The following STX17 variants were observed in gnomAD, a reference collection of about 807,000 sequenced individuals.
STX17 encodes syntaxin 17.
A neutral mutation model predicts 35.9 loss-of-function variants in STX17; 29 were observed. The observed-to-expected ratio is 0.81, with a 90% CI of 0.60 to 1.10. The LOEUF (loss-of-function observed/expected upper bound fraction) is 1.10, where lower values mean the gene tolerates loss of function less well. STX17 is among the 50% of genes least tolerant of loss of function. STX17 has a pLI of 0.00. For missense variants in STX17, 312 were observed against 352.3 expected, an observed-to-expected ratio of 0.89 and a Z score of 0.92; for synonymous variants, 92 against 118.3, an observed-to-expected ratio of 0.78 and a Z score of 1.44.
chr9:99,928,894 A>T, intron 3 of STX17, 51 bp downstream of exon 3: 1 of 1,560,362 alleles, frequency 6.4e-7, no homozygotes, highest in Non-Finnish European at 8.8e-7. Context: ...AGACAGTCTT[A>T]AGACAATTTT....
At chr9:99,918,542 C>T (rs977665692) in intron 2 of STX17, among the ~76,000 whole-genome samples, 22 of 151,250 alleles carry the variant, frequency 1.5e-4, no homozygotes, top group African/African-American at 4.4e-4. Context: ...CTTCTTTGTC[C>T]TGTTTTTCCC....
At chr9:99,959,403 GA>G (rs567215766) in intron 4 of STX17, among the ~76,000 whole-genome samples, 315 of 130,936 alleles carry the variant, frequency 2.4e-3, no homozygotes, top group African/African-American at 3.8e-3. Context: ...AAAAATTTTA[GA>G]AAAAAAAAAT....
At chr9:99,947,825 G>A (rs1829514393) in intron 3 of STX17, among the ~76,000 whole-genome samples, 2 of 152,092 alleles carry the variant, frequency 1.3e-5, no homozygotes. Context: ...ATTCTGGTAT[G>A]CAAATACTCC....
At chr9:99,930,878 G>T (rs1209192910) in intron 3 of STX17, among the ~76,000 whole-genome samples, 1 of 152,096 alleles carries the variant, frequency 6.6e-6, no homozygotes, top group African/African-American at 2.4e-5. Flanking sequence ...TAGAATTCTA[G>T]TTGGAATTCT....
intron 1 of STX17, among the ~76,000 whole-genome samples, chr9:99,912,636 A>G (rs1333185303): frequency 6.6e-6 from 1 of 152,212 alleles, no homozygotes; most frequent in African/African-American, 2.4e-5. Flanking sequence ...AAGCAGGGTA[A>G]TTACACTGTA....
intron 6 of STX17, among the ~76,000 whole-genome samples, chr9:99,962,126 T>C (rs1829840850): frequency 6.6e-6 from 1 of 152,232 alleles, no homozygotes; most frequent in Non-Finnish European, 1.5e-5. Flanking sequence ...ATATAATTTC[T>C]AGGCTTCTCA....
At chr9:99,955,970 G>T (rs761476323) in intron 4 of STX17, among the ~76,000 whole-genome samples, 1 of 152,110 alleles carries the variant, frequency 6.6e-6, no homozygotes, top group Non-Finnish European at 1.5e-5. Context: ...TCAAAGGATC[G>T]TCACTGAGGT....
chr9:99,943,339 A>T (rs1184346893), intron 3 of STX17, among the ~76,000 whole-genome samples: 1 of 138,154 alleles, frequency 7.2e-6, no homozygotes, highest in African/African-American at 2.7e-5. Flanking sequence ...TTGGTGTCTC[A>T]CTCTGTCACC....
chr9:99,936,638 CT>C (rs1449507499), intron 3 of STX17, among the ~76,000 whole-genome samples: 2 of 151,906 alleles, frequency 1.3e-5, no homozygotes. Context: ...TAGTGTACAT[CT>C]TATCACAGTT....
chr9:99,912,372 G>C (rs1336112904), intron 1 of STX17, among the ~76,000 whole-genome samples: 1 of 151,862 alleles, frequency 6.6e-6, no homozygotes, highest in Non-Finnish European at 1.5e-5. Context: ...GATTAATGAT[G>C]TTGAGCATTA....
chr9:99,938,565 G>A (rs556065171), intron 3 of STX17, among the ~76,000 whole-genome samples: 44 of 152,202 alleles, frequency 2.9e-4, no homozygotes, highest in African/African-American at 1.0e-3. Flanking sequence ...TGGATGGATT[G>A]CCTGAGCTCA....
At chr9:99,958,180 A>T (rs1829752299) in intron 4 of STX17, among the ~76,000 whole-genome samples, 1 of 152,168 alleles carries the variant, frequency 6.6e-6, no homozygotes, top group Non-Finnish European at 1.5e-5. Flanking sequence ...GCGTATGCAC[A>T]TACTGTTCTC....
chr9:99,955,970 G>A (rs761476323), intron 4 of STX17, among the ~76,000 whole-genome samples: 1 of 152,110 alleles, frequency 6.6e-6, no homozygotes, highest in Non-Finnish European at 1.5e-5. Context: ...TCAAAGGATC[G>A]TCACTGAGGT....
At chr9:99,914,808 G>T (rs991609315) in intron 1 of STX17, among the ~76,000 whole-genome samples, 1 of 152,146 alleles carries the variant, frequency 6.6e-6, no homozygotes, top group African/African-American at 2.4e-5. Flanking sequence ...AACTTGGACA[G>T]TATACTCCTA....
At chr9:99,927,340 T>A (rs1829006715) in intron 2 of STX17, among the ~76,000 whole-genome samples, 1 of 152,236 alleles carries the variant, frequency 6.6e-6, no homozygotes, top group Non-Finnish European at 1.5e-5. Context: ...TAACACTGCC[T>A]AAAAGAGCTT....
At chr9:99,929,760 T>C (rs1225410304) in intron 3 of STX17, 1 of 151,886 alleles carries the variant, frequency 6.6e-6, no homozygotes, top group Non-Finnish European at 1.5e-5. Flanking sequence ...CTGAGTCAAA[T>C]AGTGAAATAC....
chr9:99,915,263 G>T lies in STX17; in HGVS notation c.24G>T (p.Val8=). 6.2e-7 allele frequency: 1 copy of T among 1,611,148 alleles called. No homozygotes were observed. The highest frequency in any genetic ancestry group is 1.1e-5 in the South Asian group (1 of 90,652). MSEDEEK[V]KLRRLEPAIQ... ...GGATGTCTGAAGATGAAGAAAAAGT[G>T]AAATTACGCCGTCTTGAACCAGCTA... Residue 8 remains valine (V), a synonymous_variant, in exon 2 of 8, where the codon GTG becomes GTT. Transcript: ENST00000259400.
intron 2 of STX17, among the ~76,000 whole-genome samples, chr9:99,918,312 G>A (rs1239687983): frequency 6.6e-6 from 1 of 152,002 alleles, no homozygotes; most frequent in Non-Finnish European, 1.5e-5. Context: ...AAATATTTTT[G>A]TAGAGACGGG....
At chr9:99,949,216 G>C (rs1338568647) in intron 3 of STX17, among the ~76,000 whole-genome samples, 1 of 151,974 alleles carries the variant, frequency 6.6e-6, no homozygotes, top group Non-Finnish European at 1.5e-5. Flanking sequence ...TGAATCTACA[G>C]TTTAATTATC....
Sources: allele counts gnomAD v4.1 joint callset (sites outside exome capture counted in the v4.1 genomes callset), GRCh38; gene constraint gnomAD v4.1.1; transcripts MANE v1.5; gene names NCBI Gene and HGNC (gene_info 2026-07-23, HGNC 2026-07-21).